The following MRTFA variants were observed in gnomAD, a reference collection of about 807,000 sequenced individuals.
MRTFA encodes myocardin related transcription factor A.
A neutral mutation model predicts 83.5 loss-of-function variants in MRTFA; 20 were observed. That is an observed-to-expected ratio of 0.24 (90% CI 0.17 to 0.35). MRTFA has a LOEUF of 0.35. Among genes scored for constraint, MRTFA ranks in the 10% least tolerant of loss-of-function variants. The pLI is 1.00. For synonymous variants in MRTFA, 659 were observed against 541.2 expected (o/e 1.22, Z -3.02); for missense variants, 1,200 against 1,224.7 (o/e 0.98, Z 0.30).
intron 4 of MRTFA, among the ~76,000 whole-genome samples, chr22:40,459,782 TACACACACACACACACAC>T (rs745698441): frequency 1.8e-4 from 16 of 88,932 alleles, no homozygotes; most frequent in South Asian, 1.5e-3. Context: ...TGATAAAATA[TACACACACACACACACAC>T]ACACACACAC....
intron 4 of MRTFA, among the ~76,000 whole-genome samples, chr22:40,451,565 G>A (rs1478352601): frequency 2.0e-5 from 3 of 152,198 alleles, no homozygotes; most frequent in African/African-American, 7.2e-5. Flanking sequence ...AGTGCAAACT[G>A]TTCCAGCGTC....
chr22:40,618,981 T>A (rs1324129156), intron 1 of MRTFA, among the ~76,000 whole-genome samples: 1 of 148,670 alleles, frequency 6.7e-6, no homozygotes, highest in Non-Finnish European at 1.5e-5. Context: ...ATAAAAATAA[T>A]AATAATTAAA....
intron 3 of MRTFA, among the ~76,000 whole-genome samples, chr22:40,466,401 T>C (rs1359966866): frequency 2.0e-5 from 3 of 152,198 alleles, no homozygotes; most frequent in African/African-American, 7.2e-5. Flanking sequence ...TTTAAAAGTT[T>C]GCCTTCTGTC....
chr22:40,430,883 CGGG>C (rs2053055704), intron 6 of MRTFA, among the ~76,000 whole-genome samples: 1 of 121,320 alleles, frequency 8.2e-6, no homozygotes, highest in Non-Finnish European at 1.8e-5. Flanking sequence ...AAAAAAAAAG[CGGG>C]GGAAGAAAAA....
At chr22:40,490,597 TCAA>T (rs1569294211) in intron 3 of MRTFA, among the ~76,000 whole-genome samples, 1 of 122,572 alleles carries the variant, frequency 8.2e-6, no homozygotes. Context: ...AGATTCCATC[TCAA>T]AAAAAAAAAA....
At chr22:40,454,414 C>A (rs546505390) in intron 4 of MRTFA, among the ~76,000 whole-genome samples, 1 of 152,312 alleles carries the variant, frequency 6.6e-6, no homozygotes, top group African/African-American at 2.4e-5. Context: ...CTACACCCAG[C>A]CCAGTTGCAT....
chr22:40,416,891 C>T lies in MRTFA; in HGVS notation c.2578+95G>A, dbSNP rs1291459475. 8.3e-6 allele frequency: 10 copies of T among 1,198,566 alleles called. No individual in the cohort carries two copies. Among genetic ancestry groups the T allele is most frequent in the African/African-American group, 1.5e-5 (1 of 65,488 alleles). 74.2% of individuals were successfully genotyped at this position (1,198,566 alleles called of 1,614,324 possible). A position where few individuals can be genotyped will look rare whatever the true frequency, so the allele number is the denominator to read the frequency against. Reference sequence around the variant, plus strand: ...CAGTGCTTGCCCAAGACTGGTCACGCACGGAAGCATTCAATAAAAACAAAC... The same window carrying T: ...CAGTGCTTGCCCAAGACTGGTCACGTACGGAAGCATTCAATAAAAACAAAC... On this transcript the variant is annotated intron_variant, in intron 14 of 14. Coordinates refer to ENST00000355630, the MANE Select transcript of MRTFA (RefSeq NM_020831.6). This position sits in a 1 kb window ranked among gnomAD's most constrained non-coding sequence, Gnocchi z 4.2.
At chr22:40,546,777 G>T (rs1245788593) in intron 3 of MRTFA, among the ~76,000 whole-genome samples, 5 of 152,222 alleles carry the variant, frequency 3.3e-5, no homozygotes, top group Non-Finnish European at 4.4e-5. Flanking sequence ...GGGTCCAACA[G>T]CAACAGCTGC....
At chr22:40,614,880 TA>T (rs2056431469) in intron 1 of MRTFA, among the ~76,000 whole-genome samples, 1 of 152,226 alleles carries the variant, frequency 6.6e-6, no homozygotes, top group African/African-American at 2.4e-5. Flanking sequence ...TAAAGTTTTT[TA>T]AAACATATTC....
chr22:40,414,285 G>T (rs1418028020), intron 14 of MRTFA, among the ~76,000 whole-genome samples: 1 of 152,162 alleles, frequency 6.6e-6, no homozygotes, highest in Non-Finnish European at 1.5e-5. Flanking sequence ...AGAGGTTGCA[G>T]TGAGCCAAGA....
Position 40,410,568 on chromosome 22 carries a change from C to G in MRTFA, c.*822G>C, listed in dbSNP as rs1470843231. 2.6e-5 allele frequency: 6 copies of G among 233,216 alleles called. No individual in the cohort carries two copies. Among genetic ancestry groups the G allele is most frequent in the Non-Finnish European group, 4.2e-5 (5 of 117,876 alleles). The allele number at this position is 233,216 out of a possible 1,614,324, so 14.4% of individuals were successfully genotyped here. On this transcript the variant is annotated 3_prime_UTR_variant, in exon 15 of 15. Transcript: ENST00000355630. ...AGGAAGGCCAGGTAGCACCTCTGCC[C>G]TCATGGCACTGATAAGGAGCCAGGA...
chr22:40,432,284 C>A (rs573819488), intron 5 of MRTFA, among the ~76,000 whole-genome samples: 115 of 151,972 alleles, frequency 7.6e-4, no homozygotes, highest in Middle Eastern at 3.4e-3. Flanking sequence ...CAAAAAAAAA[C>A]CCCAAAAACC....
chr22:40,477,597 A>G lies in MRTFA; in HGVS notation c.242-14311T>C, dbSNP rs535406624. Among the ~76,000 whole-genome samples the G allele has an allele frequency of 2.0e-5, 3 of 152,314 alleles. No homozygotes were observed. In the East Asian group the frequency reaches 5.8e-4, roughly 29 times the overall value. On this transcript the variant is annotated intron_variant, in intron 3 of 14. Coordinates refer to ENST00000355630, the MANE Select transcript of MRTFA (RefSeq NM_020831.6). ...TTTGTAAAATTATAATACAGATTACATATGTTTCATTAGAGGCTTTTACAT... is the reference window on the plus strand; with the variant it reads ...TTTGTAAAATTATAATACAGATTACGTATGTTTCATTAGAGGCTTTTACAT...
intron 1 of MRTFA, among the ~76,000 whole-genome samples, chr22:40,618,433 G>A (rs982703816): frequency 1.3e-5 from 2 of 151,708 alleles, no homozygotes; most frequent in Admixed American, 1.3e-4. Context: ...AGACATCTGA[G>A]CAAACATCTG....
chr22:40,558,767 G>T (rs544846909), intron 2 of MRTFA, among the ~76,000 whole-genome samples: 2 of 148,460 alleles, frequency 1.3e-5, no homozygotes, highest in South Asian at 2.1e-4. Context: ...TGGTTTTTTG[G>T]TTTTTGTTTT....
At chr22:40,598,812 T>C (rs1489242941) in intron 1 of MRTFA, among the ~76,000 whole-genome samples, 2 of 147,852 alleles carry the variant, frequency 1.4e-5, no homozygotes, top group African/African-American at 2.5e-5. Context: ...CATGGAGAAA[T>C]TCCGTCGCTA....
chr22:40,471,635 C>G (rs1569284364), intron 3 of MRTFA, among the ~76,000 whole-genome samples: 1 of 152,180 alleles, frequency 6.6e-6, no homozygotes. Context: ...GTAATTCCAG[C>G]ACTTTGGGAG....
Position 40,411,391 on chromosome 22 carries a change from T to C in MRTFA, c.3095A>G (p.Ter1032TrpextTer24), listed in dbSNP as rs766557043. ...CCCACCCCGTCTTGAGCCAGAGAGC[T>C]ACAAGCAGGAATCCCAGTGCAGCTG... is the stretch of plus-strand genomic sequence containing the variant. Residue 1032 changes from the stop codon to tryptophan, a stop_lost, in exon 15 of 15, where the codon TAG (stop) becomes TGG (tryptophan). Transcript: ENST00000355630. 7 of 1,552,166 alleles carry C rather than the reference T, an allele frequency of 4.5e-6. No homozygotes were observed. Among genetic ancestry groups the C allele is most frequent in the Non-Finnish European group, 6.1e-6 (7 of 1,141,140 alleles).
intron 3 of MRTFA, among the ~76,000 whole-genome samples, chr22:40,529,566 T>G (rs962820527): frequency 3.9e-5 from 6 of 152,104 alleles, no homozygotes; most frequent in African/African-American, 1.4e-4. Flanking sequence ...ATTTGCCCAC[T>G]TCAGCTTCCC....
Sources: allele counts gnomAD v4.1 joint callset (sites outside exome capture counted in the v4.1 genomes callset), GRCh38; gene constraint gnomAD v4.1.1; non-coding constraint Gnocchi (gnomAD v3.1); transcripts MANE v1.5; gene names NCBI Gene and HGNC (gene_info 2026-07-23, HGNC 2026-07-21).